Variants in NRG3 observed in about 807,000 individuals in gnomAD.
NRG3 encodes neuregulin 3, also known as pro-neuregulin-3, membrane-bound isoform.
Under a neutral mutation model 66.9 loss-of-function variants are expected in NRG3, and 31 were observed. The ratio of observed to expected loss-of-function variants is 0.46; its 90% CI spans 0.35 to 0.63. The LOEUF is 0.63. Among genes scored for constraint, NRG3 ranks in the 20% least tolerant of loss-of-function variants. NRG3 has a pLI of 0.00. For synonymous variants in NRG3, 393 were observed against 359.4 expected, an observed-to-expected ratio of 1.09 and a Z score of -1.06; for missense variants, 910 against 878.9, an observed-to-expected ratio of 1.04 and a Z score of -0.45.
intron 3 of NRG3, among the ~76,000 whole-genome samples, chr10:82,829,500 C>T (rs1350485730): frequency 1.3e-5 from 2 of 152,100 alleles, no homozygotes; most frequent in Non-Finnish European, 2.9e-5. Flanking sequence ...CATGCTGAGG[C>T]ATAGTAAACT....
intron 1 of NRG3, among the ~76,000 whole-genome samples, chr10:82,269,888 G>A (rs900943317): frequency 6.6e-6 from 1 of 152,106 alleles, no homozygotes; most frequent in Admixed American, 6.6e-5. Flanking sequence ...CAAGTCTGGA[G>A]CCAGATTGAG....
intron 1 of NRG3, among the ~76,000 whole-genome samples, chr10:82,304,439 G>C (rs1318639495): frequency 6.6e-6 from 1 of 152,106 alleles, no homozygotes; most frequent in Non-Finnish European, 1.5e-5. Context: ...TTTATCATTT[G>C]TCTTTTGATT....
chr10:82,344,101 T>C (rs2082841074), intron 1 of NRG3, among the ~76,000 whole-genome samples: 1 of 151,338 alleles, frequency 6.6e-6, no homozygotes, highest in Non-Finnish European at 1.5e-5. Context: ...TTAGGGTACA[T>C]GTGCACATTG....
intron 1 of NRG3, among the ~76,000 whole-genome samples, chr10:82,236,635 T>A (rs2076764978): frequency 6.6e-6 from 1 of 152,132 alleles, no homozygotes; most frequent in African/African-American, 2.4e-5. Flanking sequence ...AAACTATGAT[T>A]TTATTTTCCC....
intron 2 of NRG3, among the ~76,000 whole-genome samples, chr10:82,690,104 C>G (rs2054807729): frequency 6.6e-6 from 1 of 152,178 alleles, no homozygotes; most frequent in Admixed American, 6.5e-5. Flanking sequence ...CTGATGCCTT[C>G]ATTTTCATAA....
chr10:81,958,376 CAT>C (rs1330767217), intron 1 of NRG3, among the ~76,000 whole-genome samples: 1 of 152,080 alleles, frequency 6.6e-6, no homozygotes, highest in African/African-American at 2.4e-5. Context: ...ATGAATGAAA[CAT>C]AAGAGAGTTA....
At chr10:81,911,603 G>GTTTTTTT (rs796518872) in intron 1 of NRG3, among the ~76,000 whole-genome samples, 3 of 77,964 alleles carry the variant, frequency 3.8e-5, no homozygotes, top group Non-Finnish European at 7.9e-5. Context: ...GCACAGACTT[G>GTTTTTTT]TTTTTTTTTT....
At chr10:82,088,960 G>GT (rs1186144517) in intron 1 of NRG3, among the ~76,000 whole-genome samples, 1 of 151,880 alleles carries the variant, frequency 6.6e-6, no homozygotes, top group Non-Finnish European at 1.5e-5. Context: ...TCCCTCCCTA[G>GT]TGGGTGCTCA....
intron 7 of NRG3, among the ~76,000 whole-genome samples, chr10:82,976,839 C>G (rs1276531679): frequency 6.6e-6 from 1 of 152,066 alleles, no homozygotes; most frequent in Non-Finnish European, 1.5e-5. Flanking sequence ...CAGTGCGGCC[C>G]CCTCCTTACA....
chr10:81,949,546 G>T (rs1482693772), intron 1 of NRG3, among the ~76,000 whole-genome samples: 1 of 152,150 alleles, frequency 6.6e-6, no homozygotes, highest in Non-Finnish European at 1.5e-5. Flanking sequence ...ATATGCCCGA[G>T]GGTTTAGGGA....
intron 1 of NRG3, among the ~76,000 whole-genome samples, chr10:82,044,773 G>A (rs2063199395): frequency 2.0e-5 from 3 of 151,924 alleles, no homozygotes; most frequent in Admixed American, 2.0e-4. Flanking sequence ...GTGTCCATGT[G>A]TTCTCATTGT....
intron 1 of NRG3, among the ~76,000 whole-genome samples, chr10:81,983,501 T>C (rs1463066015): frequency 6.6e-6 from 1 of 152,208 alleles, no homozygotes; most frequent in Non-Finnish European, 1.5e-5. Flanking sequence ...ATGCAATTTG[T>C]CACCTAGATC....
At chr10:82,790,585 G>A (rs984939868) in intron 3 of NRG3, among the ~76,000 whole-genome samples, 3 of 152,028 alleles carry the variant, frequency 2.0e-5, no homozygotes, top group African/African-American at 7.2e-5. Flanking sequence ...GGAGGTCATT[G>A]AGCCTCTTGG....
chr10:82,108,954 C>A (rs917660613), intron 1 of NRG3, among the ~76,000 whole-genome samples: 5 of 152,094 alleles, frequency 3.3e-5, no homozygotes, highest in African/African-American at 9.7e-5. Flanking sequence ...TAATAACAAA[C>A]CTTGGGAGGG....
chr10:82,310,725 A>T (rs1374645618), intron 1 of NRG3, among the ~76,000 whole-genome samples: 1 of 152,126 alleles, frequency 6.6e-6, no homozygotes. Flanking sequence ...CAGGGACAAG[A>T]TACAAAAACT....
At chr10:82,658,677 G>T (rs1203792548) in intron 2 of NRG3, among the ~76,000 whole-genome samples, 2 of 152,142 alleles carry the variant, frequency 1.3e-5, no homozygotes, top group African/African-American at 4.8e-5. Context: ...CTGTGGAAGT[G>T]GGGGCGGGAG....
intron 4 of NRG3, among the ~76,000 whole-genome samples, chr10:82,912,045 T>C (rs1014970613): frequency 2.0e-5 from 3 of 152,176 alleles, no homozygotes; most frequent in African/African-American, 7.2e-5. Context: ...GAGAATACTT[T>C]GTATGATTTA....
chr10:82,635,035 C>T (rs138365309), intron 2 of NRG3, among the ~76,000 whole-genome samples: 1 of 152,222 alleles, frequency 6.6e-6, no homozygotes, highest in East Asian at 1.9e-4. Context: ...AGAAAGAATA[C>T]TTATATCTTT....
chr10:82,361,302 A>G (rs2084123473), intron 2 of NRG3, among the ~76,000 whole-genome samples: 1 of 152,250 alleles, frequency 6.6e-6, no homozygotes, highest in Admixed American at 6.5e-5. Context: ...TAGACTCACA[A>G]CATAGCTAAT....
Sources: allele counts gnomAD v4.1 joint callset (sites outside exome capture counted in the v4.1 genomes callset), GRCh38; gene constraint gnomAD v4.1.1; transcripts MANE v1.5; gene names NCBI Gene and HGNC (gene_info 2026-07-23, HGNC 2026-07-21).